SETX: variants seen among roughly 807,000 people sequenced by gnomAD.
SETX encodes the protein senataxin, also known as helicase senataxin.
A neutral mutation model predicts 227.2 loss-of-function variants in SETX; 90 were observed. The ratio of observed to expected loss-of-function variants is 0.40; its 90% CI spans 0.33 to 0.47. SETX has a LOEUF of 0.47. Among genes scored for constraint, SETX ranks in the 20% least tolerant of loss-of-function variants. The pLI is 0.91. For synonymous variants in SETX, 1,210 were observed against 1,113.2 expected (o/e 1.09, Z -1.73); for missense variants, 3,052 against 3,181.5 (o/e 0.96, Z 0.98).
intron 1 of SETX, among the ~76,000 whole-genome samples, chr9:132,354,380 C>T (rs1848773806): frequency 6.6e-6 from 1 of 151,398 alleles, no homozygotes; most frequent in Non-Finnish European, 1.5e-5. Context: ...CCTATGGTCC[C>T]AGTTACTCGG....
rs1180510096 is a variant in SETX, at chr9:132,264,819, C to T, written c.7454G>A (p.Arg2485Lys). ...GCTGCTGGGCAAACCACCCTGGGGT[C>T]TGGACCCCTCTGGGGCTATGGTAGG... ...HPPTIAPEGS[R>K]PQGGLPSSKL... The change falls in exon 26 of 26, where the codon AGA (arginine) becomes AAA (lysine). Residue 2485 changes from arginine to lysine, a missense_variant. Transcript: ENST00000224140. 35 of 1,614,090 alleles carry T rather than the reference C, an allele frequency of 2.2e-5. No individual in the cohort carries two copies. The highest frequency in any genetic ancestry group is 3.0e-5 in the Non-Finnish European group (35 of 1,180,048).
At chr9:132,356,055 G>A (rs1848898473), upstream of SETX, among the ~76,000 whole-genome samples, 1 of 151,870 alleles carries the variant, frequency 6.6e-6, no homozygotes, top group African/African-American at 2.4e-5. Context: ...TGAGGCAGGG[G>A]GTGGATATCC....
At chr9:132,317,700 C>G (rs982807135) in intron 10 of SETX, among the ~76,000 whole-genome samples, 3 of 152,024 alleles carry the variant, frequency 2.0e-5, no homozygotes, top group African/African-American at 7.2e-5. Context: ...CAGGCTCAAA[C>G]GATCCTCTGG....
intron 20 of SETX, among the ~76,000 whole-genome samples, chr9:132,281,110 T>C (rs1843475936): frequency 6.6e-6 from 1 of 152,228 alleles, no homozygotes; most frequent in Admixed American, 6.5e-5. Flanking sequence ...TTTCTTTTAT[T>C]ATTGTTTTGG....
chr9:132,287,766 CAAA>C (rs34551713), intron 17 of SETX, among the ~76,000 whole-genome samples: 1 of 123,896 alleles, frequency 8.1e-6, no homozygotes, highest in Admixed American at 8.2e-5. Context: ...ACCAAAAGGA[CAAA>C]AAAAAAAAAA....
chr9:132,300,490 CTGAA>C, intron 12 of SETX, 136 bp downstream of exon 12: 1 of 855,936 alleles, frequency 1.2e-6, no homozygotes, highest in Non-Finnish European at 1.9e-6. Flanking sequence ...AAAAGAGACT[CTGAA>C]TGGCCATGTA....
chr9:132,298,909 G>A (rs1339320024), intron 12 of SETX, among the ~76,000 whole-genome samples: 1 of 152,144 alleles, frequency 6.6e-6, no homozygotes, highest in Non-Finnish European at 1.5e-5. Context: ...GGCACTCTGT[G>A]TAGGGAAATA....
chr9:132,345,355 C>G (rs1369708576), intron 4 of SETX, among the ~76,000 whole-genome samples: 5 of 152,304 alleles, frequency 3.3e-5, no homozygotes, highest in Non-Finnish European at 5.9e-5. Flanking sequence ...TTCACTGCAA[C>G]CTCCGCCTTC....
intron 7 of SETX, 120 bp downstream of exon 7, chr9:132,334,488 T>C (rs926658779): frequency 8.8e-7 from 1 of 1,139,274 alleles, no homozygotes; most frequent in Non-Finnish European, 1.3e-6. Context: ...CTGAATCTAT[T>C]ACTAAACCAG....
At chr9:132,275,210 T>C in intron 23 of SETX, 46 bp downstream of exon 23, 4 of 1,589,196 alleles carry the variant, frequency 2.5e-6, no homozygotes, top group Non-Finnish European at 3.5e-6. Flanking sequence ...TATCCTCTCA[T>C]TCTAATTCAA....
chr9:132,326,874 T>C lies in SETX; in HGVS notation c.4724A>G (p.Asp1575Gly), dbSNP rs1434104978. 1.2e-6 allele frequency: 2 copies of C among 1,614,224 alleles called. No homozygotes were observed. Among genetic ancestry groups the C allele is most frequent in the South Asian group, 2.2e-5 (2 of 91,082 alleles). ...GCCAGGTTTACGAAATACATCTTCATCTGCTGCTTTCACTTCAGAGTGTTT... is the reference window on the plus strand; with the variant it reads ...GCCAGGTTTACGAAATACATCTTCACCTGCTGCTTTCACTTCAGAGTGTTT... ...CPKHSEVKAA[D>G]EDVFRKPGLP... The change falls in exon 10 of 26, where the codon GAT (aspartate) becomes GGT (glycine). Residue 1575 changes from aspartate (D) to glycine (G), a missense_variant. Coordinates refer to ENST00000224140, the MANE Select transcript of SETX (RefSeq NM_015046.7).
chr9:132,326,335 T>C lies in SETX; in HGVS notation c.5263A>G (p.Thr1755Ala), dbSNP rs1044373106. The C allele has an allele frequency of 6.2e-7, 1 of 1,604,996 alleles. No homozygotes were observed. ...AAACACATACTTACTGTTTCAAAAGTATTCAATACCATCAAAGGGAAAAAA... is the reference window on the plus strand; with the variant it reads ...AAACACATACTTACTGTTTCAAAAGCATTCAATACCATCAAAGGGAAAAAA... The part of the protein sequence containing the change: ...NVFFPLMVLN[T>A]FETVAQEWLN... Residue 1755 changes from threonine to alanine, a missense_variant, in exon 10 of 26, where the codon ACT (threonine) becomes GCT (alanine). By Grantham distance (58) the Thr-to-Ala change is moderately conservative. This residue lies in a region of SETX where 239 missense variants were observed against 272.1 expected (regional missense o/e 0.88). Transcript: ENST00000224140.
In SETX at chr9:132,329,463, T is replaced by C; in HGVS notation, c.2135A>G (p.Gln712Arg). 1 of 1,612,902 alleles carries C rather than the reference T, an allele frequency of 6.2e-7. No homozygotes were observed. Among genetic ancestry groups the C allele is most frequent in the South Asian group, 1.1e-5 (1 of 90,968 alleles). ...EDQIKISTRK[Q>R]KSVKEISSYT... is the part of the protein sequence containing the mutation. ...TGAAGAGATCTCTTTTACAGACTTCTGCTTCCTTGTACTTATTTTAATTTG... is the reference window on the plus strand; with the variant it reads ...TGAAGAGATCTCTTTTACAGACTTCCGCTTCCTTGTACTTATTTTAATTTG... Residue 712 changes from glutamine (Q) to arginine (R), a missense_variant, in exon 10 of 26, where the codon CAG becomes CGG. By Grantham distance (43) the Gln-to-Arg change is conservative. Around this residue, in one of 10 missense-constraint regions of SETX, gnomAD observed 1,483 missense variants for 1,312.0 expected, o/e 1.13. Transcript: ENST00000224140.
At chr9:132,283,678 G>C (rs1843669019) in intron 18 of SETX, among the ~76,000 whole-genome samples, 1 of 152,174 alleles carries the variant, frequency 6.6e-6, no homozygotes. Flanking sequence ...GTTTGATTTG[G>C]TCAAAGTAGA....
At chr9:132,311,970 CAA>C in intron 10 of SETX, 114 bp from the exon 11 acceptor site, 1 of 833,540 alleles carries the variant, frequency 1.2e-6, no homozygotes, top group East Asian at 2.7e-5. Flanking sequence ...ATCTAGGTGA[CAA>C]AAACTAAAAA....
Position 132,264,949 on chromosome 9 carries a change from G to C in SETX, c.7324C>G (p.Gln2442Glu). 6.2e-7 allele frequency: 1 copy of C among 1,614,048 alleles called. No homozygotes were observed. Among genetic ancestry groups the C allele is most frequent in the East Asian group, 2.2e-5 (1 of 44,878 alleles). Reference protein sequence around the residue: ...QHWNQLIQDAQKRGAIIKTCD... With the variant: ...QHWNQLIQDAEKRGAIIKTCD... ...GTCTTAATAATGGCACCACGCTTCTGAGCATCCTGAATCAGCTGATTCCAA... is the reference window on the plus strand; with the variant it reads ...GTCTTAATAATGGCACCACGCTTCTCAGCATCCTGAATCAGCTGATTCCAA... Residue 2442 changes from glutamine to glutamate, a missense_variant, in exon 26 of 26, where the codon CAG (glutamine) becomes GAG (glutamate). Around this residue, in one of 10 missense-constraint regions of SETX, gnomAD observed 412 missense variants for 589.0 expected, o/e 0.70. Transcript: ENST00000224140.
chr9:132,311,440 A>G (rs534736607), intron 11 of SETX, among the ~76,000 whole-genome samples: 41 of 152,174 alleles, frequency 2.7e-4, no homozygotes, highest in African/African-American at 9.9e-4. Flanking sequence ...TGCCAGGAAG[A>G]TTTACTCAGA....
Position 132,353,737 on chromosome 9 carries a change from T to C in SETX, c.-96A>G, listed in dbSNP as rs891947823. The C allele has an allele frequency of 1.3e-5, 2 of 152,246 alleles. No homozygotes were observed. The highest frequency in any genetic ancestry group is 2.9e-5 in the Non-Finnish European group (2 of 68,066). 9.4% of individuals were successfully genotyped at this position (152,246 alleles called of 1,614,324 possible). On this transcript the variant is annotated 5_prime_UTR_variant, in exon 2 of 26. Coordinates refer to ENST00000224140, the MANE Select transcript of SETX (RefSeq NM_015046.7). ...TTTGCATTCATATATGCCCAGACTC[T>C]GGCCCCAAAAGAACATTTCTGAAAT...
At chr9:132,336,571 A>G in intron 5 of SETX, 56 bp from the exon 6 acceptor site, 4 of 1,234,346 alleles carry the variant, frequency 3.2e-6, no homozygotes, top group Non-Finnish European at 4.8e-6. Flanking sequence ...TACAAACAGC[A>G]AGAACACAGA....
Sources: gnomAD v4.1 joint callset for allele counts (sites outside exome capture counted in the v4.1 genomes callset) on GRCh38, gnomAD v4.1.1 for gene constraint, gnomAD v4.1.1 regional missense constraint, MANE v1.5 for transcripts, NCBI Gene and HGNC (gene_info 2026-07-23, HGNC 2026-07-21) for gene names.